Variants in STAT4 observed in about 807,000 individuals in gnomAD.
STAT4 encodes signal transducer and activator of transcription 4.
Under a neutral mutation model 110.5 loss-of-function variants are expected in STAT4, and 42 were observed. That is an observed-to-expected ratio of 0.38 (90% CI 0.30 to 0.49). STAT4 has a LOEUF of 0.49. Among genes scored for constraint, STAT4 ranks in the 20% least tolerant of loss-of-function variants. The pLI, the probability that STAT4 is intolerant of heterozygous loss-of-function variation, is 0.95. For synonymous variants in STAT4, 284 were observed against 302.2 expected, an observed-to-expected ratio of 0.94 and a Z score of 0.63; for missense variants, 632 against 887.9, an observed-to-expected ratio of 0.71 and a Z score of 3.66.
rs1045987832 is a variant in STAT4, at chr2:191,083,352, G to A, written c.274-7027C>T. Among the ~76,000 whole-genome samples, 1 of 152,176 alleles carries A rather than the reference G, an allele frequency of 6.6e-6. No homozygotes were observed. The highest frequency in any genetic ancestry group is 2.4e-5 in the African/African-American group (1 of 41,434). ...CTACTCAAGGACTTTGGGAACTGGA[G>A]TATTTTCACATCAGCTCTTGTCATC... On this transcript the variant is annotated intron_variant, in intron 3 of 23. Transcript: ENST00000392320. The surrounding 1 kb of genome is among the most constrained non-coding windows in gnomAD (Gnocchi z 4.6).
In STAT4 at chr2:191,071,161, C is replaced by T. The variant is rs546448571; in HGVS notation, c.466-1390G>A. On this transcript the variant is annotated intron_variant, in intron 5 of 23. Coordinates refer to ENST00000392320, the MANE Select transcript of STAT4 (RefSeq NM_003151.4). Reference sequence around the variant, plus strand: ...CTATACCTTACATAGATTATCCTTTCGGCAACCTGCAAAGTAAACTATTTC... The same window carrying T: ...CTATACCTTACATAGATTATCCTTTTGGCAACCTGCAAAGTAAACTATTTC... Among the ~76,000 whole-genome samples the T allele has an allele frequency of 4.3e-4, 65 of 152,246 alleles. 1 individual carries two copies. In the South Asian group the frequency reaches 7.5e-3, roughly 17 times the overall value.
rs1699379224 is a variant in STAT4, at chr2:191,143,131, A to G, written c.273+3482T>C. ...TGCTCAATTTTTCTGTAAACCTAAA[A>G]CTACTCTTAAAAATAAACTGCACTA... On this transcript the variant is annotated intron_variant, in intron 3 of 23. Coordinates refer to ENST00000392320, the MANE Select transcript of STAT4 (RefSeq NM_003151.4). The surrounding 1 kb of genome is among the most constrained non-coding windows in gnomAD (Gnocchi z 5.6). Among the ~76,000 whole-genome samples the G allele has an allele frequency of 6.6e-6, 1 of 152,240 alleles. No individual in the cohort carries two copies.
chr2:191,041,193 ACTAT>A (rs1574700441), intron 14 of STAT4, 45 bp from the exon 15 acceptor site: 1 of 1,133,948 alleles, frequency 8.8e-7, no homozygotes, highest in East Asian at 2.9e-5. Context: ...ATGCATACTC[ACTAT>A]CTAATAGAAG....
intron 16 of STAT4, among the ~76,000 whole-genome samples, chr2:191,038,224 C>T (rs560615431): frequency 2.6e-5 from 4 of 152,188 alleles, no homozygotes; most frequent in South Asian, 4.2e-4. Flanking sequence ...AAAGATCAGG[C>T]GATTTCTCTG....
In STAT4 at chr2:191,037,749, T is replaced by C. The variant is rs1019409144; in HGVS notation, c.1434+1450A>G. 2.0e-5 allele frequency among the ~76,000 whole-genome samples: 3 copies of C among 151,900 alleles called. No homozygotes were observed. The highest frequency in any genetic ancestry group is 1.9e-4 in the East Asian group (1 of 5,178). On this transcript the variant is annotated intron_variant, in intron 16 of 23. Coordinates refer to ENST00000392320, the MANE Select transcript of STAT4 (RefSeq NM_003151.4). The surrounding 1 kb of genome is among the most constrained non-coding windows in gnomAD (Gnocchi z 4.8). Reference sequence around the variant, plus strand: ...ACAGCATCCAACAAGGAATGGGCAATAGGAAGAGGAGGAATGAAGAGAAAG... The same window carrying C: ...ACAGCATCCAACAAGGAATGGGCAACAGGAAGAGGAGGAATGAAGAGAAAG...
intron 13 of STAT4, among the ~76,000 whole-genome samples, chr2:191,057,210 G>A (rs1696723173): frequency 6.6e-6 from 1 of 152,180 alleles, no homozygotes; most frequent in Non-Finnish European, 1.5e-5. Context: ...CCATTCGACT[G>A]TCTGCCTCTA....
intron 3 of STAT4, among the ~76,000 whole-genome samples, chr2:191,098,418 G>A (rs192451752): frequency 1.3e-5 from 2 of 152,288 alleles, no homozygotes; most frequent in East Asian, 3.9e-4. Flanking sequence ...ATATACCATG[G>A]AATACTATGC....
Position 191,060,345 on chromosome 2 carries a change from G to A in STAT4, c.1034+1384C>T, listed in dbSNP as rs771832694. ...TCTCCATCTTATTTCACTCTCCTCCGAGTTATACAGAGATGTCGGAATGAG... is the reference window on the plus strand; with the variant it reads ...TCTCCATCTTATTTCACTCTCCTCCAAGTTATACAGAGATGTCGGAATGAG... On this transcript the variant is annotated intron_variant, in intron 10 of 23. Transcript: ENST00000392320. This position sits in a 1 kb window ranked among gnomAD's most constrained non-coding sequence, Gnocchi z 4.5. 7.9e-5 allele frequency among the ~76,000 whole-genome samples: 12 copies of A among 152,182 alleles called. No homozygotes were observed. Among genetic ancestry groups the A allele is most frequent in the African/African-American group, 2.7e-4 (11 of 41,442 alleles).
At position 191,116,053 on chromosome 2, in the gene STAT4, A is replaced by G. The variant is rs1698562904; in HGVS notation, c.273+30560T>C. Among the ~76,000 whole-genome samples the G allele has an allele frequency of 6.6e-6, 1 of 152,178 alleles. No homozygotes were observed. The highest frequency in any genetic ancestry group is 1.5e-5 in the Non-Finnish European group (1 of 68,024). ...GAAATGAACATTATGACCACAGAAA[A>G]AACTTAGAATGTGTTGGATTGTCAG... On this transcript the variant is annotated intron_variant, in intron 3 of 23. Coordinates refer to ENST00000392320, the MANE Select transcript of STAT4 (RefSeq NM_003151.4). This position sits in a 1 kb window ranked among gnomAD's most constrained non-coding sequence, Gnocchi z 4.1.
At position 191,140,559 on chromosome 2, in the gene STAT4, G is replaced by A. The variant is rs1355033832; in HGVS notation, c.273+6054C>T. Among the ~76,000 whole-genome samples the A allele has an allele frequency of 2.0e-5, 3 of 152,090 alleles. No individual in the cohort carries two copies. The highest frequency in any genetic ancestry group is 7.2e-5 in the African/African-American group (3 of 41,418). On this transcript the variant is annotated intron_variant, in intron 3 of 23. Transcript: ENST00000392320. The surrounding 1 kb of genome is among the most constrained non-coding windows in gnomAD (Gnocchi z 4.4). The stretch of plus-strand genomic sequence containing the variant: ...CAATGAGATACCACCTTACTCCTGC[G>A]AGAATGGCCATAATGAAAAAGTCAA...
intron 3 of STAT4, chr2:191,121,979 A>G (rs914527776): frequency 3.3e-5 from 5 of 152,300 alleles, no homozygotes; most frequent in Non-Finnish European, 7.3e-5. Flanking sequence ...ATATACAAAA[A>G]TTGGAAAGAT....
intron 3 of STAT4, among the ~76,000 whole-genome samples, chr2:191,097,813 AC>A (rs1446927297): frequency 6.6e-6 from 1 of 152,196 alleles, no homozygotes; most frequent in Non-Finnish European, 1.5e-5. Flanking sequence ...AAAAGACACT[AC>A]CATCAGAGTG....
chr2:191,106,246 T>C (rs1352266129), intron 3 of STAT4, among the ~76,000 whole-genome samples: 1 of 152,210 alleles, frequency 6.6e-6, no homozygotes, highest in East Asian at 1.9e-4. Flanking sequence ...ATTTGTGCTT[T>C]TGTGGCTTTT....
At chr2:191,136,024 C>CAAAAAAAAAAAAAAAAAAAAAAAAAA in intron 3 of STAT4, among the ~76,000 whole-genome samples, 1 of 43,722 alleles carries the variant, frequency 2.3e-5, no homozygotes. Context: ...AAAAAAAAAC[C>CAAAAAAAAAAAAAAAAAAAAAAAAAA]AAAAAACAAA....
In STAT4 at chr2:191,082,627, TG is replaced by T. The variant is rs1697515207; in HGVS notation, c.274-6303del. Among the ~76,000 whole-genome samples the T allele has an allele frequency of 1.3e-5, 2 of 152,250 alleles. No individual in the cohort carries two copies. The highest frequency in any genetic ancestry group is 4.8e-5 in the African/African-American group (2 of 41,472). ...CCATGAACATGCTATTTATTCTTTT[TG>T]CTACTTTATGCTAAATTTCTTGGCT... On this transcript the variant is annotated intron_variant, in intron 3 of 23. Transcript: ENST00000392320. This position sits in a 1 kb window ranked among gnomAD's most constrained non-coding sequence, Gnocchi z 4.7.
intron 6 of STAT4, among the ~76,000 whole-genome samples, chr2:191,069,254 A>G (rs1357239559): frequency 2.6e-5 from 4 of 152,096 alleles, no homozygotes; most frequent in African/African-American, 7.2e-5. Context: ...GCTTTCTCCT[A>G]TGAAACACAT....
chr2:191,132,798 A>C (rs1051714954), intron 3 of STAT4, among the ~76,000 whole-genome samples: 5 of 141,994 alleles, frequency 3.5e-5, no homozygotes, highest in Admixed American at 7.3e-5. Context: ...TCTGTCGCCC[A>C]GGCTGGAGTG....
Position 191,032,329 on chromosome 2 carries a change from A to G in STAT4, c.2044+629T>C, listed in dbSNP as rs1188026663. 6.6e-6 allele frequency: 1 copy of G among 152,240 alleles called. No homozygotes were observed. Among genetic ancestry groups the G allele is most frequent in the Non-Finnish European group, 1.5e-5 (1 of 68,072 alleles). 9.4% of individuals were successfully genotyped at this position (152,240 alleles called of 1,614,324 possible). ...TGGTGAACGTACCTTAAAATTGCAT[A>G]GTAATTTAACAAATTTTCTTTTATG... On this transcript the variant is annotated intron_variant, in intron 21 of 23. Transcript: ENST00000392320. This position sits in a 1 kb window ranked among gnomAD's most constrained non-coding sequence, Gnocchi z 4.9.
chr2:191,132,021 C>T, intron 3 of STAT4: 1 of 1,148,144 alleles, frequency 8.7e-7, no homozygotes, highest in South Asian at 4.2e-5. Context: ...CACTAAATTA[C>T]AATTGGAACA....
Sources: gnomAD v4.1 joint callset for allele counts (sites outside exome capture counted in the v4.1 genomes callset) on GRCh38, gnomAD v4.1.1 for gene constraint, Gnocchi (gnomAD v3.1) non-coding constraint, MANE v1.5 for transcripts, NCBI Gene and HGNC (gene_info 2026-07-23, HGNC 2026-07-21) for gene names.